The following DOCK1 variants were observed in gnomAD, a reference collection of about 807,000 sequenced individuals.
The protein encoded by DOCK1 is dedicator of cytokinesis 1.
Under a neutral mutation model 262.7 loss-of-function variants are expected in DOCK1, and 138 were observed. That is an observed-to-expected ratio of 0.53 (90% CI 0.46 to 0.61). The LOEUF (loss-of-function observed/expected upper bound fraction) is 0.61. Among genes scored for constraint, DOCK1 ranks in the 20% least tolerant of loss-of-function variants. The pLI is 0.00. For missense variants in DOCK1, 1,908 were observed against 2,370.7 expected, an observed-to-expected ratio of 0.80 and a Z score of 4.05; for synonymous variants, 866 against 867.4, an observed-to-expected ratio of 1.00 and a Z score of 0.03.
intron 47 of DOCK1, among the ~76,000 whole-genome samples, chr10:127,428,771 A>T: frequency 8.5e-6 from 1 of 117,976 alleles, no homozygotes; most frequent in Admixed American, 9.5e-5. Context: ...TACCGTGTGG[A>T]CTGTGGTGCT....
At chr10:127,292,079 C>G (rs2061363188) in intron 29 of DOCK1, among the ~76,000 whole-genome samples, 1 of 152,222 alleles carries the variant, frequency 6.6e-6, no homozygotes, top group Non-Finnish European at 1.5e-5. Context: ...AAGGACCTGC[C>G]TGAGCTGAGT....
At chr10:127,429,105 A>ACCATGTGGATTGGGG (rs2069104846) in intron 47 of DOCK1, among the ~76,000 whole-genome samples, 1 of 147,378 alleles carries the variant, frequency 6.8e-6, no homozygotes, top group Non-Finnish European at 1.5e-5. Context: ...GTGGATTGGG[A>ACCATGTGGATTGGGG]TGCTGTGTGT....
intron 27 of DOCK1, among the ~76,000 whole-genome samples, chr10:127,219,235 G>C (rs2058331257): frequency 6.6e-6 from 1 of 152,154 alleles, no homozygotes; most frequent in Non-Finnish European, 1.5e-5. Context: ...TGCAGTTTCT[G>C]AATATATTCT....
At chr10:127,115,957 A>G (rs2049154345) in intron 25 of DOCK1, among the ~76,000 whole-genome samples, 1 of 152,176 alleles carries the variant, frequency 6.6e-6, no homozygotes, top group Non-Finnish European at 1.5e-5. Flanking sequence ...CTTACTGTGT[A>G]CTTATCATTT....
chr10:127,398,608 A>G (rs779393460), intron 38 of DOCK1, among the ~76,000 whole-genome samples: 3 of 152,224 alleles, frequency 2.0e-5, no homozygotes, highest in Non-Finnish European at 4.4e-5. Flanking sequence ...GTAATTGAGT[A>G]TGACTCTTTT....
At chr10:127,432,375 T>C (rs1228198845) in intron 47 of DOCK1, among the ~76,000 whole-genome samples, 1 of 145,296 alleles carries the variant, frequency 6.9e-6, no homozygotes, top group East Asian at 2.2e-4. Context: ...GGAACCATGG[T>C]CCACAGCAGG....
chr10:127,411,615 T>C (rs377709060), intron 43 of DOCK1, among the ~76,000 whole-genome samples: 9 of 151,992 alleles, frequency 5.9e-5, no homozygotes, highest in African/African-American at 1.9e-4. Context: ...CTGAGGCAGG[T>C]AGATCAAATT....
At chr10:127,267,799 C>T (rs1194426235) in intron 29 of DOCK1, among the ~76,000 whole-genome samples, 1 of 152,108 alleles carries the variant, frequency 6.6e-6, no homozygotes, top group Non-Finnish European at 1.5e-5. Context: ...ATCCTCCTCC[C>T]GGTCCTCTCA....
At chr10:127,079,706 G>A (rs533040601) in intron 23 of DOCK1, among the ~76,000 whole-genome samples, 11 of 152,122 alleles carry the variant, frequency 7.2e-5, no homozygotes, top group Non-Finnish European at 1.3e-4. Context: ...CGAGGAGGGC[G>A]GATCACCTGA....
chr10:127,128,911 C>G (rs1176086116), intron 27 of DOCK1, among the ~76,000 whole-genome samples: 2 of 152,152 alleles, frequency 1.3e-5, no homozygotes, highest in South Asian at 4.2e-4. Flanking sequence ...TTTAAGTCAT[C>G]TTGGTGGATC....
At chr10:126,996,638 C>T (rs1405964912) in intron 6 of DOCK1, 110 bp from the exon 7 acceptor site, 36 of 1,163,268 alleles carry the variant, frequency 3.1e-5, no homozygotes, top group East Asian at 1.4e-4. Context: ...TGGGCAAGCC[C>T]GAGTTTCTAG....
At chr10:127,261,912 G>T (rs1369183834) in intron 29 of DOCK1, among the ~76,000 whole-genome samples, 1 of 146,086 alleles carries the variant, frequency 6.8e-6, no homozygotes, top group Non-Finnish European at 1.5e-5. Context: ...ATGTGTGTGT[G>T]TACCCGTGCT....
intron 29 of DOCK1, among the ~76,000 whole-genome samples, chr10:127,331,440 C>A (rs944646615): frequency 6.6e-6 from 1 of 152,138 alleles, no homozygotes; most frequent in Non-Finnish European, 1.5e-5. Flanking sequence ...TGCCACCATG[C>A]CCGGGTAATT....
At chr10:127,201,456 C>G (rs1247385265) in intron 27 of DOCK1, among the ~76,000 whole-genome samples, 1 of 152,048 alleles carries the variant, frequency 6.6e-6, no homozygotes, top group Non-Finnish European at 1.5e-5. Context: ...GTTTATTGGC[C>G]TGAAATACAA....
At position 127,412,124 on chromosome 10, in the gene DOCK1, G is replaced by A. The variant is rs576595046; in HGVS notation, c.4428+1200G>A. Among the ~76,000 whole-genome samples, 519 of 151,646 alleles carry A rather than the reference G, an allele frequency of 3.4e-3. 2 individuals are homozygous for A. The highest frequency in any genetic ancestry group is 7.0e-3 in the South Asian group (33 of 4,744). On this transcript the variant is annotated intron_variant, in intron 43 of 51. Transcript: ENST00000623213. ...ACTACAGGTGCCCGCCACTACGCCCGGCTAATTTTTTGTATTTTTAGTAGA... is the reference window on the plus strand; with the variant it reads ...ACTACAGGTGCCCGCCACTACGCCCAGCTAATTTTTTGTATTTTTAGTAGA...
At chr10:127,194,117 A>G (rs1564891027) in intron 27 of DOCK1, among the ~76,000 whole-genome samples, 1 of 152,258 alleles carries the variant, frequency 6.6e-6, no homozygotes. Context: ...TAGCTAAAGA[A>G]ATTAAACTGA....
intron 11 of DOCK1, among the ~76,000 whole-genome samples, chr10:127,009,314 C>T (rs2041258139): frequency 6.6e-6 from 1 of 152,150 alleles, no homozygotes; most frequent in South Asian, 2.1e-4. Flanking sequence ...TTTAGGCTTT[C>T]TCTAGTTCTG....
intron 31 of DOCK1, chr10:127,344,242 A>C (rs2063539812): frequency 6.5e-6 from 1 of 152,988 alleles, no homozygotes; most frequent in Non-Finnish European, 1.5e-5. Flanking sequence ...CATTGTAAAT[A>C]AACCTCTCCA....
chr10:127,258,617 T>C (rs1042389988), intron 29 of DOCK1, among the ~76,000 whole-genome samples: 1 of 152,144 alleles, frequency 6.6e-6, no homozygotes, highest in Non-Finnish European at 1.5e-5. Flanking sequence ...CGTGCATCAG[T>C]TTTTGGGTGA....
Sources: gnomAD v4.1 joint callset for allele counts (sites outside exome capture counted in the v4.1 genomes callset) on GRCh38, gnomAD v4.1.1 for gene constraint, MANE v1.5 for transcripts, NCBI Gene and HGNC (gene_info 2026-07-23, HGNC 2026-07-21) for gene names.